KIFC3: variants seen among roughly 807,000 people sequenced by gnomAD.
KIFC3 encodes the protein kinesin family member C3.
In KIFC3, 60 loss-of-function variants were observed where a neutral mutation model predicts 101.8. The ratio of observed to expected loss-of-function variants is 0.59; its 90% confidence interval spans 0.48 to 0.73. The LOEUF (loss-of-function observed/expected upper bound fraction) is 0.73. KIFC3 is among the 30% of genes least tolerant of loss of function. KIFC3 has a pLI of 0.00. For missense variants in KIFC3, 966 were observed against 1,137.1 expected (o/e 0.85, Z 2.16); for synonymous variants, 476 against 482.7 (o/e 0.99, Z 0.18).
chr16:57,783,352 ACACTGGTGATGGGTG>A (rs1480762257), intron 3 of KIFC3, among the ~76,000 whole-genome samples: 1 of 152,104 alleles, frequency 6.6e-6, no homozygotes, highest in African/African-American at 2.4e-5. Flanking sequence ...TGGCAATGAG[ACACTGGTGATGGGTG>A]CATTGCCACC....
At chr16:57,852,089 A>G (rs1353270974) in intron 1 of KIFC3, among the ~76,000 whole-genome samples, 2 of 150,546 alleles carry the variant, frequency 1.3e-5, no homozygotes, top group African/African-American at 4.9e-5. Flanking sequence ...TAGATTGTCT[A>G]TTTTCTTTGT....
chr16:57,780,592 AGAAGAAGGCAG>A (rs2052607915), intron 3 of KIFC3, among the ~76,000 whole-genome samples: 1 of 149,142 alleles, frequency 6.7e-6, no homozygotes, highest in Non-Finnish European at 1.5e-5. Context: ...AAAAAAAAAA[AGAAGAAGGCAG>A]CAGCCAAACA....
In KIFC3 at chr16:57,798,422, C is replaced by T. The variant is rs572912467; in HGVS notation, c.-39-140G>A. On this transcript the variant is annotated intron_variant, in intron 1 of 19. Coordinates refer to ENST00000445690, the MANE Select transcript of KIFC3 (RefSeq NM_001130100.2). ...CGCAGCAGCTCCAACTGCACTGTCC[C>T]CCAAAGACCCTAGGGCTCGCAGGAT... is the stretch of plus-strand genomic sequence containing the variant. The T allele has an allele frequency of 6.7e-6, 5 of 741,258 alleles. No homozygotes were observed. The African/African-American group carries it at 7.1e-5, about 11-fold the overall frequency. 45.9% of individuals were successfully genotyped at this position (741,258 alleles called of 1,614,324 possible).
chr16:57,806,663 GTAA>G (rs1423714179), upstream of KIFC3, among the ~76,000 whole-genome samples: 1 of 152,174 alleles, frequency 6.6e-6, no homozygotes, highest in African/African-American at 2.4e-5. Context: ...CCCATGTAAA[GTAA>G]TGATAATTTC....
At position 57,795,023 on chromosome 16, in the gene KIFC3, G is replaced by C; in HGVS notation, c.291C>G (p.Pro97=). ...CCTGCAGGGTCAGGTAGAGCCCGTG[G>C]GGGCTTCCGGGGCCAGCCCAGTCCA... The part of the protein sequence containing the change: ...LSVDWAGPGS[P]HGLYLTLQVE... The change falls in exon 3 of 20, where the codon CCC becomes CCG. Residue 97 remains proline (P), a synonymous_variant. Transcript: ENST00000445690. 1 of 1,596,198 alleles carries C rather than the reference G, an allele frequency of 6.3e-7. No homozygotes were observed. Among genetic ancestry groups the C allele is most frequent in the Non-Finnish European group, 8.5e-7 (1 of 1,173,904 alleles).
intron 3 of KIFC3, chr16:57,774,940 A>G: frequency 6.7e-7 from 1 of 1,491,248 alleles, no homozygotes; most frequent in Non-Finnish European, 8.9e-7. Context: ...CTCCCTCCCC[A>G]GAAAGGCTGC....
chr16:57,772,428 A>G (rs2051374790), intron 3 of KIFC3, 140 bp from the exon 4 acceptor site: 1 of 650,588 alleles, frequency 1.5e-6, no homozygotes, highest in African/African-American at 1.8e-5. Flanking sequence ...CCTATGTTCA[A>G]GCATCCCATC....
intron 1 of KIFC3, among the ~76,000 whole-genome samples, chr16:57,799,817 G>T (rs1568060727): frequency 6.6e-6 from 1 of 152,228 alleles, no homozygotes; most frequent in Non-Finnish European, 1.5e-5. Flanking sequence ...AGTGACTGAA[G>T]TGTAAGTGGG....
At chr16:57,770,076 G>C in intron 7 of KIFC3, 121 bp from the exon 8 acceptor site, 1 of 1,250,150 alleles carries the variant, frequency 8.0e-7, no homozygotes, top group Non-Finnish European at 1.1e-6. Flanking sequence ...ACACACATGT[G>C]CACACCCAGA....
At chr16:57,827,951 C>A (rs189170706) in intron 1 of KIFC3, among the ~76,000 whole-genome samples, 14 of 152,362 alleles carry the variant, frequency 9.2e-5, no homozygotes, top group Admixed American at 9.1e-4. Context: ...CTCCCAACAA[C>A]CCCTTGAGGG....
intron 1 of KIFC3, among the ~76,000 whole-genome samples, chr16:57,843,442 G>C (rs1351935836): frequency 6.6e-6 from 1 of 152,166 alleles, no homozygotes; most frequent in African/African-American, 2.4e-5. Context: ...ATACAGGCTG[G>C]TCCAGTGACT....
Position 57,771,681 on chromosome 16 carries a change from G to GC in KIFC3, c.386dup (p.Thr130HisfsTer15), listed in dbSNP as rs782212958. The GC allele has an allele frequency of 6.2e-6, 10 of 1,611,304 alleles. No individual in the cohort carries two copies. The highest frequency in any genetic ancestry group is 8.5e-6 in the Non-Finnish European group (10 of 1,179,148). ...GGTCCCGGTGCTTCTCCAAGTCGGT[G>GC]CCCCCCTGCAGAGAGCCAGGGCCGA... On this transcript the variant is annotated frameshift_variant, in exon 5 of 20. Coordinates refer to ENST00000445690, the MANE Select transcript of KIFC3 (RefSeq NM_001130100.2). LOFTEE classifies it high-confidence loss of function.
chr16:57,772,087 C>T lies in KIFC3; in HGVS notation c.381+136G>A, dbSNP rs959056866. The T allele has an allele frequency of 5.3e-6, 4 of 757,740 alleles. No individual in the cohort carries two copies. In the African/African-American group the frequency reaches 7.0e-5, roughly 13 times the overall value. The allele number at this position is 757,740 out of a possible 1,614,324, so 46.9% of individuals were successfully genotyped here. On this transcript the variant is annotated intron_variant, in intron 4 of 19. Coordinates refer to ENST00000445690, the MANE Select transcript of KIFC3 (RefSeq NM_001130100.2). ...AGGGTACTAGGAGGTGGGGATAAGG[C>T]TCTCGGTGTGTTTCTGAGACAGGGT...
chr16:57,810,132 C>T (rs1289163980), intron 1 of KIFC3, among the ~76,000 whole-genome samples: 2 of 152,188 alleles, frequency 1.3e-5, no homozygotes, highest in African/African-American at 2.4e-5. Flanking sequence ...ATGATTCCTG[C>T]TCTCACACCC....
At position 57,788,713 on chromosome 16, in the gene KIFC3, G is replaced by C. The variant is rs1555618917; in HGVS notation, c.315+6286C>G. 3.9e-6 allele frequency: 5 copies of C among 1,289,586 alleles called. No individual in the cohort carries two copies. In the South Asian group the frequency reaches 6.2e-5, roughly 16 times the overall value. 79.9% of individuals were successfully genotyped at this position (1,289,586 alleles called of 1,614,324 possible). ...TTGCACCCCTTGTCCTGCAGGGCCT[G>C]CTGCCAAGACACAACCAGAATCCTC... is the stretch of plus-strand genomic sequence containing the variant. On this transcript the variant is annotated intron_variant, in intron 3 of 19. Coordinates refer to ENST00000445690, the MANE Select transcript of KIFC3 (RefSeq NM_001130100.2).
intron 1 of KIFC3, among the ~76,000 whole-genome samples, chr16:57,812,069 A>G (rs1298714171): frequency 4.4e-5 from 6 of 136,904 alleles, no homozygotes; most frequent in African/African-American, 1.4e-4. Context: ...TTTGAGACGG[A>G]GTCTCGCTGT....
intron 1 of KIFC3, among the ~76,000 whole-genome samples, chr16:57,822,692 A>C (rs896546705): frequency 2.6e-5 from 4 of 152,088 alleles, no homozygotes; most frequent in African/African-American, 9.7e-5. Flanking sequence ...GCAAGACTCC[A>C]TCTCAAAAAA....
At chr16:57,798,019 G>C in intron 2 of KIFC3, 53 bp downstream of exon 2, 9 of 1,554,942 alleles carry the variant, frequency 5.8e-6, no homozygotes, top group Non-Finnish European at 7.8e-6. Context: ...CTCATCTCTG[G>C]TATCTGGAGG....
intron 1 of KIFC3, among the ~76,000 whole-genome samples, chr16:57,825,130 T>TG (rs1555630597): frequency 3.3e-5 from 5 of 152,212 alleles, no homozygotes; most frequent in South Asian, 4.1e-4. Context: ...GCCCAGCCCT[T>TG]GGGCAATCCC....
Sources: gnomAD v4.1 joint callset for allele counts (sites outside exome capture counted in the v4.1 genomes callset) on GRCh38, gnomAD v4.1.1 for gene constraint, MANE v1.5 for transcripts, NCBI Gene and HGNC (gene_info 2026-07-23, HGNC 2026-07-21) for gene names.